CNTNAP5: variants seen among roughly 807,000 people sequenced by gnomAD.
CNTNAP5 encodes the protein contactin associated protein family member 5, also known as contactin-associated protein-like 5.
A neutral mutation model predicts 150.2 loss-of-function variants in CNTNAP5; 72 were observed. The ratio of observed to expected loss-of-function variants is 0.48; its 90% CI spans 0.40 to 0.58. The LOEUF is 0.58. CNTNAP5 is among the 20% of genes least tolerant of loss of function. CNTNAP5 has a pLI of 0.00. For missense variants in CNTNAP5, 1,636 were observed against 1,626.2 expected, an observed-to-expected ratio of 1.01 and a Z score of -0.10; for synonymous variants, 672 against 619.8, an observed-to-expected ratio of 1.08 and a Z score of -1.25.
chr2:124,207,002 G>T lies in CNTNAP5; in HGVS notation c.83-14703G>T, dbSNP rs143941083. On this transcript the variant is annotated intron_variant, in intron 1 of 23. Transcript: ENST00000682447. ...TTTCACATATATTCTGTTCAACTCT[G>T]TATGGCAAATATGATGTTTAGTATC... 3.1e-3 allele frequency among the ~76,000 whole-genome samples: 470 copies of T among 152,256 alleles called. 1 individual carries two copies. Among genetic ancestry groups the T allele is most frequent in the African/African-American group, 0.011 (455 of 41,534 alleles).
intron 11 of CNTNAP5, among the ~76,000 whole-genome samples, chr2:124,582,764 C>A (rs1425097464): frequency 1.3e-5 from 2 of 152,098 alleles, no homozygotes; most frequent in Non-Finnish European, 2.9e-5. Flanking sequence ...AGGAAAAAGA[C>A]AATACCACAG....
At chr2:124,756,182 T>C (rs912158228) in intron 14 of CNTNAP5, among the ~76,000 whole-genome samples, 1 of 152,202 alleles carries the variant, frequency 6.6e-6, no homozygotes, top group Non-Finnish European at 1.5e-5. Context: ...AAGAAAAGTC[T>C]GTATGCATGT....
intron 17 of CNTNAP5, among the ~76,000 whole-genome samples, chr2:124,773,449 C>T (rs958082211): frequency 1.3e-5 from 2 of 152,078 alleles, no homozygotes; most frequent in South Asian, 4.1e-4. Flanking sequence ...ATAGTTGAAC[C>T]ATTTTAAAGG....
At chr2:124,713,359 C>CTTTA (rs1485295214) in intron 13 of CNTNAP5, among the ~76,000 whole-genome samples, 2 of 122,474 alleles carry the variant, frequency 1.6e-5, no homozygotes, top group Non-Finnish European at 1.7e-5. Flanking sequence ...TTCTTTCTTT[C>CTTTA]TTTCTTTCTT....
intron 16 of CNTNAP5, among the ~76,000 whole-genome samples, chr2:124,767,653 A>G (rs902575217): frequency 5.3e-5 from 8 of 152,188 alleles, no homozygotes; most frequent in African/African-American, 1.9e-4. Flanking sequence ...GGTGACATCC[A>G]TATGCCACCC....
chr2:124,817,809 T>C (rs1203056522), intron 19 of CNTNAP5, among the ~76,000 whole-genome samples: 1 of 152,174 alleles, frequency 6.6e-6, no homozygotes, highest in Admixed American at 6.5e-5. Context: ...TAGGCACCTA[T>C]GTTATAACCA....
rs146079057 is a variant in CNTNAP5, at chr2:124,760,363, A to G, written c.2235-3309A>G. ...TTTTAATAGTTAAGTCACCCAAATT[A>G]TATACTAAAATAAGCTTACCAAGCA... On this transcript the variant is annotated intron_variant, in intron 14 of 23. Transcript: ENST00000682447. Among the ~76,000 whole-genome samples the G allele has an allele frequency of 2.4e-3, 360 of 152,206 alleles. 2 individuals are homozygous for G. In the East Asian group the frequency reaches 0.024, roughly 10 times the overall value.
intron 2 of CNTNAP5, among the ~76,000 whole-genome samples, 156 bp from the exon 3 acceptor site, chr2:124,242,044 C>G (rs17011167): frequency 0.16 from 24,245 of 151,934 alleles, 2,292 homozygotes; most frequent in East Asian, 0.35. Context: ...ATGGAAAGTA[C>G]CAGGGGGTTA....
At chr2:124,142,849 G>A (rs1385833605) in intron 1 of CNTNAP5, among the ~76,000 whole-genome samples, 1 of 151,210 alleles carries the variant, frequency 6.6e-6, no homozygotes, top group African/African-American at 2.5e-5. Flanking sequence ...AATAAATCCA[G>A]GAGCTGGTTT....
intron 1 of CNTNAP5, among the ~76,000 whole-genome samples, chr2:124,121,650 T>G (rs1227326206): frequency 6.6e-6 from 1 of 151,914 alleles, no homozygotes; most frequent in Non-Finnish European, 1.5e-5. Flanking sequence ...AATGGGAAAA[T>G]TATGAGGTAT....
chr2:124,428,068 T>C (rs2104788539), intron 4 of CNTNAP5, among the ~76,000 whole-genome samples: 1 of 152,328 alleles, frequency 6.6e-6, no homozygotes, highest in East Asian at 1.9e-4. Context: ...TGATAGATCC[T>C]AGATGGGACC....
At chr2:124,099,466 C>A (rs929476455) in intron 1 of CNTNAP5, among the ~76,000 whole-genome samples, 2 of 152,196 alleles carry the variant, frequency 1.3e-5, no homozygotes, top group Non-Finnish European at 2.9e-5. Context: ...ACAGCACCTG[C>A]ACAGGCTGTG....
Position 124,458,571 on chromosome 2 carries a change from A to G in CNTNAP5, c.918+11634A>G, listed in dbSNP as rs187392651. ...AAAGACCACAAATTGGGTGCCTTGT[A>G]TACTGCTTAGGTTATGAGTGCACCA... On this transcript the variant is annotated intron_variant, in intron 6 of 23. Transcript: ENST00000682447. 3.7e-4 allele frequency among the ~76,000 whole-genome samples: 56 copies of G among 152,048 alleles called. No individual in the cohort carries two copies. In the East Asian group the frequency reaches 0.01, roughly 28 times the overall value.
At chr2:124,758,717 G>A (rs545640061) in intron 14 of CNTNAP5, among the ~76,000 whole-genome samples, 1 of 152,142 alleles carries the variant, frequency 6.6e-6, no homozygotes, top group East Asian at 1.9e-4. Context: ...TGAGAGATAG[G>A]GTTGAGGATG....
intron 3 of CNTNAP5, among the ~76,000 whole-genome samples, chr2:124,362,612 GTTAT>G (rs1690244135): frequency 6.6e-6 from 1 of 152,260 alleles, no homozygotes; most frequent in East Asian, 1.9e-4. Flanking sequence ...AAAGAAAACT[GTTAT>G]TTATGGGGCT....
At chr2:124,264,591 G>T (rs1264633319) in intron 3 of CNTNAP5, among the ~76,000 whole-genome samples, 1 of 152,124 alleles carries the variant, frequency 6.6e-6, no homozygotes, top group Non-Finnish European at 1.5e-5. Context: ...ACTAACACAG[G>T]GCAAAAGGTT....
chr2:124,616,246 A>AG (rs1197904883), intron 12 of CNTNAP5, among the ~76,000 whole-genome samples: 1 of 152,192 alleles, frequency 6.6e-6, no homozygotes, highest in Non-Finnish European at 1.5e-5. Flanking sequence ...TGCTTAGTGT[A>AG]GCCACTTTCA....
rs1007508694 is a variant in CNTNAP5, at chr2:124,800,305, G to A, written c.3217+1985G>A. 4.6e-5 allele frequency among the ~76,000 whole-genome samples: 7 copies of A among 152,166 alleles called. 1 individual carries two copies. The highest frequency in any genetic ancestry group is 3.9e-4 in the Admixed American group (6 of 15,282). On this transcript the variant is annotated intron_variant, in intron 19 of 23. Transcript: ENST00000682447. Reference sequence around the variant, plus strand: ...AATTGTACCTGTCAGGCCATGCCTAGGGAAATACAGCTGCCATGAAGACAG... The same window carrying A: ...AATTGTACCTGTCAGGCCATGCCTAAGGAAATACAGCTGCCATGAAGACAG...
At chr2:124,479,788 T>C (rs932862852) in intron 7 of CNTNAP5, among the ~76,000 whole-genome samples, 2 of 152,140 alleles carry the variant, frequency 1.3e-5, no homozygotes, top group African/African-American at 4.8e-5. Context: ...AATTGAAACA[T>C]TGACTTCCTA....
Sources: gnomAD v4.1 joint callset for allele counts (sites outside exome capture counted in the v4.1 genomes callset) on GRCh38, gnomAD v4.1.1 for gene constraint, MANE v1.5 for transcripts, NCBI Gene and HGNC (gene_info 2026-07-23, HGNC 2026-07-21) for gene names.